The following SULT2B1 variants were observed in gnomAD, a reference collection of about 807,000 sequenced individuals.
SULT2B1 encodes the protein sulfotransferase 2B1.
SULT2B1 carries 16 observed loss-of-function variants against 33.2 expected under a neutral mutation model. The observed-to-expected ratio is 0.48, with a 90% CI of 0.33 to 0.73. The LOEUF (loss-of-function observed/expected upper bound fraction) is 0.73. Among genes scored for constraint, SULT2B1 ranks in the 30% least tolerant of loss-of-function variants. SULT2B1 has a pLI of 0.02. For synonymous variants in SULT2B1, 186 were observed against 200.5 expected (o/e 0.93, Z 0.61); for missense variants, 500 against 506.0 (o/e 0.99, Z 0.11).
intron 2 of SULT2B1, among the ~76,000 whole-genome samples, chr19:48,581,890 A>T (rs55716398): frequency 0.087 from 11,942 of 137,528 alleles, 568 homozygotes; most frequent in Non-Finnish European, 0.1. Context: ...TATTATTATT[A>T]TATTATTATT....
At chr19:48,570,786 G>C (rs562680027) in intron 1 of SULT2B1, among the ~76,000 whole-genome samples, 3 of 151,600 alleles carry the variant, frequency 2.0e-5, no homozygotes, top group African/African-American at 7.3e-5. Context: ...GTGCAGTGGC[G>C]CGATCTCGGC....
At chr19:48,589,051 G>A (rs1167182373) in intron 3 of SULT2B1, among the ~76,000 whole-genome samples, 3 of 152,240 alleles carry the variant, frequency 2.0e-5, no homozygotes, top group Admixed American at 6.5e-5. Flanking sequence ...AGCGGGCTTA[G>A]GCTTCACCGG....
chr19:48,589,443 C>A (rs1239228002), intron 3 of SULT2B1, among the ~76,000 whole-genome samples: 1 of 152,106 alleles, frequency 6.6e-6, no homozygotes, highest in Non-Finnish European at 1.5e-5. Flanking sequence ...TGGGCTGACA[C>A]GTCCATTTGC....
intron 1 of SULT2B1, among the ~76,000 whole-genome samples, chr19:48,567,098 C>T (rs999040697): frequency 2.6e-5 from 4 of 152,246 alleles, no homozygotes; most frequent in South Asian, 2.1e-4. Flanking sequence ...TGAATTCCAG[C>T]GTTTTTCCAG....
At chr19:48,561,110 GAGAC>G (rs1338689318) in intron 1 of SULT2B1, among the ~76,000 whole-genome samples, 1 of 151,468 alleles carries the variant, frequency 6.6e-6, no homozygotes, top group Non-Finnish European at 1.5e-5. Flanking sequence ...TCCAGCCTGG[GAGAC>G]AGAGCAAGAT....
chr19:48,569,712 G>A (rs983654490), intron 1 of SULT2B1, among the ~76,000 whole-genome samples: 6 of 151,692 alleles, frequency 4.0e-5, no homozygotes, highest in Middle Eastern at 3.4e-3. Context: ...TGTCACCCAG[G>A]CTGGAGTGCA....
chr19:48,595,385 C>A (rs1456840894), intron 5 of SULT2B1, among the ~76,000 whole-genome samples: 2 of 152,096 alleles, frequency 1.3e-5, no homozygotes, highest in African/African-American at 4.8e-5. Context: ...CCTCTCTGGG[C>A]CTCTGTTTAC....
intron 1 of SULT2B1, among the ~76,000 whole-genome samples, chr19:48,569,202 C>T (rs112768120): frequency 4.0e-5 from 6 of 151,228 alleles, no homozygotes; most frequent in South Asian, 2.1e-4. Context: ...ATTAGCAGGG[C>T]GTGGTGGCGG....
chr19:48,584,998 G>A lies in SULT2B1; in HGVS notation c.215-2231G>A, dbSNP rs1419748218. The stretch of plus-strand genomic sequence containing the variant: ...CAGGAGGCAGAGGTTTCAGTGAGCC[G>A]AGATAGAGCCACTGCACTCCAGCCT... On this transcript the variant is annotated intron_variant, in intron 2 of 6. Transcript: ENST00000201586. Among the ~76,000 whole-genome samples the A allele has an allele frequency of 6.0e-5, 8 of 134,294 alleles. No homozygotes were observed. In the East Asian group the frequency reaches 7.1e-4, roughly 12 times the overall value. The allele number at this position is 134,294 out of a possible 152,430, so 88.1% of individuals were successfully genotyped here.
intron 5 of SULT2B1, among the ~76,000 whole-genome samples, chr19:48,593,539 A>G (rs986968907): frequency 1.3e-5 from 2 of 152,106 alleles, no homozygotes; most frequent in African/African-American, 2.4e-5. Context: ...GCGACAGAGC[A>G]AGACCTTGTT....
intron 2 of SULT2B1, among the ~76,000 whole-genome samples, chr19:48,578,754 G>A (rs1007106472): frequency 3.9e-5 from 6 of 151,916 alleles, no homozygotes; most frequent in Non-Finnish European, 4.4e-5. Context: ...GTGCGTGCCT[G>A]TAATCCCAGT....
chr19:48,599,175 G>C lies in SULT2B1; in HGVS notation c.867G>C (p.Gln289His), dbSNP rs752098559. The stretch of plus-strand genomic sequence containing the variant: ...GGAAGAACCACTTCACGGTGGCCCA[G>C]AGCGAAGCCTTCGATCGTGCCTACC... ...GDWKNHFTVA[Q>H]SEAFDRAYRK... The change falls in exon 7 of 7, where the codon CAG becomes CAC. Residue 289 changes from glutamine to histidine, a missense_variant. Coordinates refer to ENST00000201586, the MANE Select transcript of SULT2B1 (RefSeq NM_177973.2). This position sits in a 1 kb window ranked among gnomAD's most constrained non-coding sequence, Gnocchi z 4.1. The C allele has an allele frequency of 3.1e-6, 5 of 1,598,484 alleles. No homozygotes were observed. Among genetic ancestry groups the C allele is most frequent in the African/African-American group, 2.7e-5 (2 of 74,640 alleles).
chr19:48,565,809 T>C (rs1419684532), intron 1 of SULT2B1, among the ~76,000 whole-genome samples: 1 of 152,094 alleles, frequency 6.6e-6, no homozygotes, highest in Non-Finnish European at 1.5e-5. Flanking sequence ...GTCACCTAAG[T>C]GGTACAACCA....
chr19:48,559,714 G>A (rs1973149559), intron 1 of SULT2B1, among the ~76,000 whole-genome samples: 1 of 152,000 alleles, frequency 6.6e-6, no homozygotes, highest in Non-Finnish European at 1.5e-5. Flanking sequence ...GGAGACCCTC[G>A]CCTTGCCCGG....
At chr19:48,553,188 A>G (rs1243280833) in intron 1 of SULT2B1, among the ~76,000 whole-genome samples, 1 of 152,122 alleles carries the variant, frequency 6.6e-6, no homozygotes, top group Non-Finnish European at 1.5e-5. Flanking sequence ...AACCCCTCGT[A>G]TCTTGCACTC....
chr19:48,587,753 C>T lies in SULT2B1; in HGVS notation c.423+316C>T, dbSNP rs182499246. 5.4e-3 allele frequency among the ~76,000 whole-genome samples: 821 copies of T among 151,660 alleles called. 4 individuals carry two copies. Among genetic ancestry groups the T allele is most frequent in the Non-Finnish European group, 8.2e-3 (557 of 67,944 alleles). On this transcript the variant is annotated intron_variant, in intron 3 of 6. Coordinates refer to ENST00000201586, the MANE Select transcript of SULT2B1 (RefSeq NM_177973.2). ...CAAGAAATTTTAAAAATCAGTCAGA[C>T]GTGGTGGCACACACTTGTAGTCCCA...
At position 48,591,736 on chromosome 19, in the gene SULT2B1, G is replaced by T. The variant is rs1296223786; in HGVS notation, c.550+1G>T. 2 of 1,586,908 alleles carry T rather than the reference G, an allele frequency of 1.3e-6. No homozygotes were observed. The highest frequency in any genetic ancestry group is 1.7e-6 in the Non-Finnish European group (2 of 1,166,008). On this transcript the variant is annotated splice_donor_variant, in intron 4 of 6. Transcript: ENST00000201586. LOFTEE classifies it high-confidence loss of function. ...CTGAGGGACTTCCTCAAAGGCGAAG[G>T]TGGGGACAGGGTAAAGCGGGGCAGG...
At chr19:48,582,185 G>C (rs758850671) in intron 2 of SULT2B1, among the ~76,000 whole-genome samples, 18 of 152,118 alleles carry the variant, frequency 1.2e-4, no homozygotes, top group Non-Finnish European at 2.4e-4. Context: ...GATTACAGGC[G>C]TGAGCCACTG....
chr19:48,588,837 CCTGAGGTGGGTGTAT>C (rs1308073139), intron 3 of SULT2B1, among the ~76,000 whole-genome samples: 4 of 151,740 alleles, frequency 2.6e-5, no homozygotes, highest in Admixed American at 2.0e-4. Context: ...GTGCAAAGGC[CCTGAGGTGGGTGTAT>C]CTGAGGTGCA....
Sources: gnomAD v4.1 joint callset for allele counts (sites outside exome capture counted in the v4.1 genomes callset) on GRCh38, gnomAD v4.1.1 for gene constraint, Gnocchi (gnomAD v3.1) non-coding constraint, MANE v1.5 for transcripts, NCBI Gene and HGNC (gene_info 2026-07-23, HGNC 2026-07-21) for gene names.